The following OSBPL6 variants were observed in gnomAD, a reference collection of about 807,000 sequenced individuals.
OSBPL6 encodes the protein oxysterol-binding protein-related protein 6.
Under a neutral mutation model 125.8 loss-of-function variants are expected in OSBPL6, and 49 were observed. The observed-to-expected ratio is 0.39, with a 90% confidence interval of 0.31 to 0.49. The LOEUF is 0.49. OSBPL6 is among the 20% of genes least tolerant of loss of function. OSBPL6 has a pLI of 0.88. For missense variants in OSBPL6, 986 were observed against 1,135.4 expected, an observed-to-expected ratio of 0.87 and a Z score of 1.89; for synonymous variants, 394 against 391.8, an observed-to-expected ratio of 1.01 and a Z score of -0.07.
chr2:178,280,435 G>C (rs1684041941), intron 1 of OSBPL6, among the ~76,000 whole-genome samples: 1 of 152,098 alleles, frequency 6.6e-6, no homozygotes, highest in Admixed American at 6.5e-5. Flanking sequence ...ATAGTGTGGT[G>C]GTAATTTTTA....
intron 15 of OSBPL6, among the ~76,000 whole-genome samples, chr2:178,382,190 C>T (rs1694543237): frequency 6.6e-6 from 1 of 152,172 alleles, no homozygotes; most frequent in East Asian, 1.9e-4. Flanking sequence ...TCTCCCCTGC[C>T]CTCCTGCCCC....
chr2:178,331,549 C>T lies in OSBPL6; in HGVS notation c.319-3C>T, dbSNP rs772919737. 1 of 1,614,036 alleles carries T rather than the reference C, an allele frequency of 6.2e-7. No homozygotes were observed. Among genetic ancestry groups the T allele is most frequent in the Non-Finnish European group, 8.5e-7 (1 of 1,179,936 alleles). ...AGTAACTGGGGGTGTTTGGTTCTTG[C>T]AGCGTTTTTTTGTCCTGGATAATGG... On this transcript the variant is annotated splice_region_variant and splice_polypyrimidine_tract_variant and intron_variant, in intron 5 of 24. Coordinates refer to ENST00000190611, the MANE Select transcript of OSBPL6 (RefSeq NM_032523.4).
At chr2:178,246,630 C>G (rs1475491361) in intron 1 of OSBPL6, among the ~76,000 whole-genome samples, 3 of 152,202 alleles carry the variant, frequency 2.0e-5, no homozygotes, top group Admixed American at 2.0e-4. Flanking sequence ...TCCTTTCCAT[C>G]TATTAATGGA....
chr2:178,327,480 T>G (rs1354080371), intron 4 of OSBPL6, among the ~76,000 whole-genome samples: 1 of 152,212 alleles, frequency 6.6e-6, no homozygotes, highest in Non-Finnish European at 1.5e-5. Context: ...TGAATATATT[T>G]ATACATAGAT....
chr2:178,206,261 C>T (rs1400641374), intron 1 of OSBPL6, among the ~76,000 whole-genome samples: 1 of 152,178 alleles, frequency 6.6e-6, no homozygotes, highest in African/African-American at 2.4e-5. Flanking sequence ...TATACTGTGT[C>T]AGTACAAAGG....
chr2:178,392,272 T>C (rs1575056547), intron 22 of OSBPL6, 140 bp from the exon 23 acceptor site: 14 of 1,002,696 alleles, frequency 1.4e-5, no homozygotes, highest in Non-Finnish European at 2.0e-5. Flanking sequence ...ACCAATTTAA[T>C]TCACTTGAAA....
intron 1 of OSBPL6, among the ~76,000 whole-genome samples, chr2:178,246,201 G>T (rs13425411): frequency 2.0e-5 from 3 of 152,086 alleles, no homozygotes; most frequent in Admixed American, 2.0e-4. Context: ...AGTATTAGCT[G>T]TTTCTCCTTT....
At chr2:178,222,332 C>G (rs2090372536) in intron 1 of OSBPL6, among the ~76,000 whole-genome samples, 1 of 152,184 alleles carries the variant, frequency 6.6e-6, no homozygotes, top group African/African-American at 2.4e-5. Flanking sequence ...TGGCCCAAAA[C>G]AAAGGTTTGC....
chr2:178,206,465 T>C (rs774016476), intron 1 of OSBPL6, among the ~76,000 whole-genome samples: 1 of 152,218 alleles, frequency 6.6e-6, no homozygotes, highest in Non-Finnish European at 1.5e-5. Flanking sequence ...TTTAGTGATA[T>C]CATTATCCAG....
intron 1 of OSBPL6, among the ~76,000 whole-genome samples, chr2:178,240,843 A>C (rs1039575046): frequency 6.6e-6 from 1 of 152,198 alleles, no homozygotes; most frequent in African/African-American, 2.4e-5. Flanking sequence ...TATTATTTCT[A>C]TACCACTATC....
intron 3 of OSBPL6, among the ~76,000 whole-genome samples, chr2:178,313,639 ATCT>A (rs749305210): frequency 2.6e-5 from 4 of 152,234 alleles, no homozygotes; most frequent in Non-Finnish European, 5.9e-5. Context: ...CTAGAAGTTC[ATCT>A]TCTTACCAGT....
chr2:178,327,721 G>C (rs1374886357), intron 4 of OSBPL6, among the ~76,000 whole-genome samples: 2 of 152,098 alleles, frequency 1.3e-5, no homozygotes, highest in African/African-American at 4.8e-5. Flanking sequence ...TCTTTGGTGA[G>C]CAGGTGTCTT....
chr2:178,202,994 T>C (rs554018470), intron 1 of OSBPL6, among the ~76,000 whole-genome samples: 1 of 152,216 alleles, frequency 6.6e-6, no homozygotes, highest in Non-Finnish European at 1.5e-5. Context: ...AAGTTTCTGC[T>C]ATTATTTCTT....
At chr2:178,297,825 G>T (rs1291211633) in intron 2 of OSBPL6, among the ~76,000 whole-genome samples, 2 of 152,188 alleles carry the variant, frequency 1.3e-5, no homozygotes, top group African/African-American at 4.8e-5. Context: ...AGTCATAATA[G>T]CTGGTGATTC....
intron 1 of OSBPL6, among the ~76,000 whole-genome samples, chr2:178,240,922 AT>A (rs1249708969): frequency 1.3e-5 from 2 of 152,172 alleles, no homozygotes; most frequent in Non-Finnish European, 2.9e-5. Flanking sequence ...TCAGTAATCC[AT>A]CTTATCCATT....
At chr2:178,343,545 G>A (rs1016559776) in intron 11 of OSBPL6, among the ~76,000 whole-genome samples, 6 of 151,886 alleles carry the variant, frequency 4.0e-5, no homozygotes, top group African/African-American at 9.7e-5. Flanking sequence ...TTCTTCTACC[G>A]GTTTGTGCAT....
chr2:178,384,944 ATTTAT>A (rs1339206333), intron 18 of OSBPL6, among the ~76,000 whole-genome samples: 2 of 152,088 alleles, frequency 1.3e-5, no homozygotes, highest in African/African-American at 4.8e-5. Context: ...TGGTCCTGAG[ATTTAT>A]TTTCTTTTCA....
intron 1 of OSBPL6, among the ~76,000 whole-genome samples, chr2:178,280,598 T>G (rs1451349231): frequency 6.6e-6 from 1 of 152,230 alleles, no homozygotes; most frequent in Non-Finnish European, 1.5e-5. Context: ...ATATGCATTG[T>G]GTGAAAATAT....
At chr2:178,213,050 G>A (rs543270714) in intron 1 of OSBPL6, among the ~76,000 whole-genome samples, 6 of 152,188 alleles carry the variant, frequency 3.9e-5, no homozygotes, top group South Asian at 2.1e-4. Flanking sequence ...CTCGTGATCC[G>A]CCTGCCTCGG....
Sources: gnomAD v4.1 joint callset for allele counts (sites outside exome capture counted in the v4.1 genomes callset) on GRCh38, gnomAD v4.1.1 for gene constraint, MANE v1.5 for transcripts, NCBI Gene and HGNC (gene_info 2026-07-23, HGNC 2026-07-21) for gene names.